Variants in ARHGAP8 observed in about 807,000 individuals in gnomAD.
The protein encoded by ARHGAP8 is Rho GTPase activating protein 8.
ARHGAP8 carries 62 observed loss-of-function variants against 46.1 expected under a neutral mutation model. That is an observed-to-expected ratio of 1.34 (90% CI 1.10 to 1.66). ARHGAP8 has a LOEUF of 1.66. Ranked by LOEUF, ARHGAP8 falls within the 40% of genes most tolerant of loss-of-function variation. The pLI, the probability that ARHGAP8 is intolerant of heterozygous loss-of-function variation, is 0.00. For synonymous variants in ARHGAP8, 375 were observed against 243.1 expected, an observed-to-expected ratio of 1.54 and a Z score of -5.05; for missense variants, 923 against 568.4, an observed-to-expected ratio of 1.62 and a Z score of -6.34.
At chr22:44,815,577 C>G (rs1929679236) in intron 5 of ARHGAP8, among the ~76,000 whole-genome samples, 1 of 152,116 alleles carries the variant, frequency 6.6e-6, no homozygotes, top group African/African-American at 2.4e-5. Context: ...TTGGACACCC[C>G]CAGCCTGCTG....
intron 4 of ARHGAP8, among the ~76,000 whole-genome samples, chr22:44,814,087 C>T (rs1929562429): frequency 6.6e-6 from 1 of 152,216 alleles, no homozygotes; most frequent in Non-Finnish European, 1.5e-5. Context: ...GGCTGCCTAC[C>T]TTTCTTCCCC....
chr22:44,782,406 C>T (rs1185277495), intron 1 of ARHGAP8, among the ~76,000 whole-genome samples: 2 of 152,154 alleles, frequency 1.3e-5, no homozygotes, highest in African/African-American at 4.8e-5. Flanking sequence ...CTGTCGAGTC[C>T]ACTCACAGTG....
At chr22:44,791,509 G>T (rs946471292) in intron 2 of ARHGAP8, among the ~76,000 whole-genome samples, 1 of 152,104 alleles carries the variant, frequency 6.6e-6, no homozygotes, top group Non-Finnish European at 1.5e-5. Context: ...TTCGAGACCA[G>T]CCTGACCAAT....
intron 1 of ARHGAP8, among the ~76,000 whole-genome samples, chr22:44,753,266 A>G (rs1417075832): frequency 2.0e-5 from 3 of 147,308 alleles, no homozygotes; most frequent in African/African-American, 7.7e-5. Flanking sequence ...CTCTGTCCCC[A>G]GGCTGGATTG....
chr22:44,848,134 G>A (rs1014902941), intron 9 of ARHGAP8, 84 bp downstream of exon 9: 2 of 1,550,560 alleles, frequency 1.3e-6, no homozygotes, highest in Admixed American at 1.8e-5. Flanking sequence ...AGGCAGGGAA[G>A]CACCGCCCCC....
intron 7 of ARHGAP8, among the ~76,000 whole-genome samples, chr22:44,828,999 G>A (rs553568560): frequency 1.3e-5 from 2 of 151,718 alleles, no homozygotes; most frequent in Non-Finnish European, 2.9e-5. Flanking sequence ...AAGCCCGGGT[G>A]CGGTGGCTCA....
intron 8 of ARHGAP8, among the ~76,000 whole-genome samples, chr22:44,847,670 T>A (rs1016100582): frequency 2.6e-5 from 4 of 152,174 alleles, no homozygotes; most frequent in Middle Eastern, 3.4e-3. Context: ...ATTCTGTAGA[T>A]AAACAAGGCA....
intron 10 of ARHGAP8, among the ~76,000 whole-genome samples, chr22:44,853,740 C>T (rs1051129367): frequency 6.6e-6 from 1 of 152,000 alleles, no homozygotes; most frequent in African/African-American, 2.4e-5. Flanking sequence ...AAAAATTTGC[C>T]ATCAGGGCCA....
chr22:44,814,942 G>A (rs1929629016), intron 5 of ARHGAP8, among the ~76,000 whole-genome samples, 184 bp downstream of exon 5: 1 of 152,150 alleles, frequency 6.6e-6, no homozygotes. Flanking sequence ...TCATGGACAG[G>A]AGTGCAGTGC....
chr22:44,779,247 C>G (rs1207941237), intron 1 of ARHGAP8, among the ~76,000 whole-genome samples: 1 of 151,734 alleles, frequency 6.6e-6, no homozygotes, highest in Admixed American at 6.6e-5. Context: ...TTACAGGTCC[C>G]CACCATCCAC....
intron 10 of ARHGAP8, among the ~76,000 whole-genome samples, chr22:44,853,227 T>G (rs549658099): frequency 3.3e-5 from 5 of 152,198 alleles, no homozygotes; most frequent in Admixed American, 2.6e-4. Flanking sequence ...AGTTTGCAAT[T>G]TAGATGTCTT....
intron 1 of ARHGAP8, among the ~76,000 whole-genome samples, chr22:44,777,998 T>TTTTTTTTA (rs1190413396): frequency 2.1e-5 from 3 of 143,694 alleles, no homozygotes; most frequent in East Asian, 4.1e-4. Flanking sequence ...GCCTGGACTA[T>TTTTTTTTA]TTTATTTATT....
At chr22:44,826,961 C>T (rs573716810) in intron 7 of ARHGAP8, among the ~76,000 whole-genome samples, 6 of 152,304 alleles carry the variant, frequency 3.9e-5, no homozygotes, top group Non-Finnish European at 7.4e-5. Context: ...TCATGGCCCC[C>T]GACGAAGTCC....
intron 1 of ARHGAP8, among the ~76,000 whole-genome samples, chr22:44,782,653 T>C (rs1370773763): frequency 6.6e-6 from 1 of 152,216 alleles, no homozygotes; most frequent in Non-Finnish European, 1.5e-5. Context: ...TTCCTCTATG[T>C]TGGGTCATAG....
intron 8 of ARHGAP8, among the ~76,000 whole-genome samples, chr22:44,846,274 T>A (rs2069953447): frequency 6.6e-6 from 1 of 152,232 alleles, no homozygotes; most frequent in African/African-American, 2.4e-5. Flanking sequence ...CCCTGCACCT[T>A]TCTGGTTACG....
In ARHGAP8 at chr22:44,814,763, G is replaced by C. The variant is rs760260385; in HGVS notation, c.386+5G>C. Reference sequence around the variant, plus strand: ...CATCTTGAAGCCCCTCATCAGGTATGCGTCACTCTGGGAGAGGACCTCGCT... The same window carrying C: ...CATCTTGAAGCCCCTCATCAGGTATCCGTCACTCTGGGAGAGGACCTCGCT... On this transcript the variant is annotated splice_donor_5th_base_variant and intron_variant, in intron 5 of 11. Coordinates refer to ENST00000356099, the MANE Select transcript of ARHGAP8 (RefSeq NM_181335.3). The C allele has an allele frequency of 8.7e-6, 14 of 1,613,870 alleles. No individual in the cohort carries two copies. The South Asian group carries it at 1.4e-4, about 16-fold the overall frequency.
Position 44,859,744 on chromosome 22 carries a change from C to G in ARHGAP8, c.891C>G (p.Ser297Arg). ...QILGITCVES[S>R]LRVTGCRQIL... ...ATGCCCTTCCAGGTGTGGAGAGCAG[C>G]CTGCGTGTCACTGGCTGCCGCCAGA... Residue 297 changes from serine to arginine, a missense_variant, in exon 11 of 12, where the codon AGC (serine) becomes AGG (arginine). By Grantham distance (110) the Ser-to-Arg change is moderately radical. Coordinates refer to ENST00000356099, the MANE Select transcript of ARHGAP8 (RefSeq NM_181335.3). The G allele has an allele frequency of 6.2e-7, 1 of 1,613,814 alleles. No individual in the cohort carries two copies. The highest frequency in any genetic ancestry group is 1.1e-5 in the South Asian group (1 of 91,084).
chr22:44,783,830 G>T (rs1927023633), intron 1 of ARHGAP8, among the ~76,000 whole-genome samples: 1 of 152,030 alleles, frequency 6.6e-6, no homozygotes, highest in African/African-American at 2.4e-5. Context: ...CACATTCCTG[G>T]GCTCGGGCCC....
At chr22:44,791,316 G>A (rs893585332) in intron 2 of ARHGAP8, among the ~76,000 whole-genome samples, 16 of 152,128 alleles carry the variant, frequency 1.1e-4, no homozygotes, top group East Asian at 1.9e-4. Context: ...CCAGGGCCTC[G>A]ATGCTGCAGA....
Sources: allele counts gnomAD v4.1 joint callset (sites outside exome capture counted in the v4.1 genomes callset), GRCh38; gene constraint gnomAD v4.1.1; transcripts MANE v1.5; gene names NCBI Gene and HGNC (gene_info 2026-07-23, HGNC 2026-07-21).